The following PRKDC variants were observed in gnomAD, a reference collection of about 807,000 sequenced individuals.
PRKDC encodes protein kinase, DNA-activated, catalytic subunit.
PRKDC carries 82 observed loss-of-function variants against 486.9 expected under a neutral mutation model. That is an observed-to-expected ratio of 0.17 (90% CI 0.14 to 0.20). The LOEUF is 0.20. Among genes scored for constraint, PRKDC ranks in the 10% least tolerant of loss-of-function variants. The probability of loss-of-function intolerance (pLI) is 1.00; values close to 1 mark genes in which losing one functional copy is unlikely to be tolerated. For missense variants in PRKDC, 4,504 were observed against 5,038.2 expected, an observed-to-expected ratio of 0.89 and a Z score of 3.21; for synonymous variants, 1,895 against 1,837.0, an observed-to-expected ratio of 1.03 and a Z score of -0.81.
chr8:47,941,909 T>C (rs1392599204), intron 10 of PRKDC, among the ~76,000 whole-genome samples: 1 of 152,220 alleles, frequency 6.6e-6, no homozygotes, highest in Non-Finnish European at 1.5e-5. Flanking sequence ...GACTGAAAAG[T>C]CTCTGGCAAG....
At chr8:47,879,798 A>ATTAAAAT (rs2089170667) in intron 38 of PRKDC, 140 bp from the exon 39 acceptor site, 1 of 574,916 alleles carries the variant, frequency 1.7e-6, no homozygotes, top group South Asian at 3.7e-5. Flanking sequence ...TCTAAATTAT[A>ATTAAAAT]TTAAAAACCA....
chr8:47,860,368 G>A (rs763593811), intron 45 of PRKDC, among the ~76,000 whole-genome samples: 2 of 152,160 alleles, frequency 1.3e-5, no homozygotes, highest in Non-Finnish European at 2.9e-5. Flanking sequence ...CACGACCTAG[G>A]GCAAAAGCAG....
At chr8:47,832,250 C>A (rs554113760) in intron 59 of PRKDC, among the ~76,000 whole-genome samples, 2 of 152,348 alleles carry the variant, frequency 1.3e-5, no homozygotes, top group Non-Finnish European at 2.9e-5. Context: ...GAGGCTTCAA[C>A]ACCTGGTGCA....
intron 7 of PRKDC, among the ~76,000 whole-genome samples, chr8:47,949,686 G>C (rs2090595804): frequency 6.6e-6 from 1 of 152,140 alleles, no homozygotes; most frequent in Non-Finnish European, 1.5e-5. Flanking sequence ...GCTCACCTCA[G>C]GGGAATCATA....
Position 47,864,561 on chromosome 8 carries a change from T to G in PRKDC, c.5566A>C (p.Thr1856Pro), listed in dbSNP as rs748160178. Reference sequence around the variant, plus strand: ...TGATTTAAGGCGTATGATACCTTTGTAAACCTGGACTTCAACACATCAATG... The same window carrying G: ...TGATTTAAGGCGTATGATACCTTTGGAAACCTGGACTTCAACACATCAATG... ...DAIDVLKSRF[T>P]KLNESTFDTQ... Residue 1856 changes from threonine (T) to proline (P), a missense_variant, in exon 41 of 86, where the codon ACA (threonine) becomes CCA (proline). By Grantham distance (38) the Thr-to-Pro change is conservative. Coordinates refer to ENST00000314191, the MANE Select transcript of PRKDC (RefSeq NM_006904.7). 1 of 1,606,508 alleles carries G rather than the reference T, an allele frequency of 6.2e-7. No homozygotes were observed. Among genetic ancestry groups the G allele is most frequent in the Non-Finnish European group, 8.5e-7 (1 of 1,177,044 alleles).
At chr8:47,820,062 A>T (rs1337295883) in intron 66 of PRKDC, among the ~76,000 whole-genome samples, 1 of 152,180 alleles carries the variant, frequency 6.6e-6, no homozygotes, top group Non-Finnish European at 1.5e-5. Context: ...AGGAAAGATC[A>T]ACCCCTGCTC....
At chr8:47,936,562 T>C (rs1414117643) in intron 11 of PRKDC, 45 bp from the exon 12 acceptor site, 1 of 1,598,878 alleles carries the variant, frequency 6.3e-7, no homozygotes, top group Admixed American at 1.7e-5. Context: ...CTTATCAAGA[T>C]CAAAATAATA....
chr8:47,913,321 C>T (rs1047821671), intron 24 of PRKDC, among the ~76,000 whole-genome samples: 1 of 152,182 alleles, frequency 6.6e-6, no homozygotes, highest in African/African-American at 2.4e-5. Flanking sequence ...CCAAGCATAG[C>T]CCGAATATCA....
intron 31 of PRKDC, among the ~76,000 whole-genome samples, chr8:47,892,911 T>C (rs950329469): frequency 6.6e-6 from 1 of 152,224 alleles, no homozygotes; most frequent in African/African-American, 2.4e-5. Flanking sequence ...ACATTTACAA[T>C]ACACCAGAAA....
At position 47,889,067 on chromosome 8, in the gene PRKDC, G is replaced by A. The variant is rs1307354516; in HGVS notation, c.4227C>T (p.Ser1409=). The change falls in exon 33 of 86, where the codon TCC becomes TCT. Residue 1409 remains serine (S), a synonymous_variant. Transcript: ENST00000314191. ...GGGTCTCTAGGATATCTTTGTATGG[G>A]GACATCTTTAGAGCTTTCATCAGAT... The part of the protein sequence containing the change: ...CVNLMKALKM[S]PYKDILETHL... 10 of 1,613,716 alleles carry A rather than the reference G, an allele frequency of 6.2e-6. No individual in the cohort carries two copies. Among genetic ancestry groups the A allele is most frequent in the Non-Finnish European group, 7.6e-6 (9 of 1,179,876 alleles).
At position 47,936,341 on chromosome 8, in the gene PRKDC, T is replaced by G. The variant is rs763386831; in HGVS notation, c.1278+12A>C. 6.3e-7 allele frequency: 1 copy of G among 1,598,288 alleles called. No individual in the cohort carries two copies. The highest frequency in any genetic ancestry group is 1.3e-5 in the African/African-American group (1 of 74,368). Reference sequence around the variant, plus strand: ...TAAATACTTAAAATTGTGCTCAGTTTAGTTCACTTACTGTGTCAAGGTACA... The same window carrying G: ...TAAATACTTAAAATTGTGCTCAGTTGAGTTCACTTACTGTGTCAAGGTACA... On this transcript the variant is annotated intron_variant, in intron 12 of 85. Transcript: ENST00000314191.
intron 68 of PRKDC, among the ~76,000 whole-genome samples, chr8:47,813,983 ACCAAT>A (rs1416294008): frequency 1.3e-5 from 2 of 152,328 alleles, no homozygotes; most frequent in East Asian, 1.9e-4. Flanking sequence ...AAAATTACAC[ACCAAT>A]ATCCCACTTG....
At chr8:47,865,859 A>G (rs1162502879) in intron 40 of PRKDC, among the ~76,000 whole-genome samples, 1 of 152,126 alleles carries the variant, frequency 6.6e-6, no homozygotes, top group Non-Finnish European at 1.5e-5. Context: ...GTGCCCTTAT[A>G]TAAGAGGTCC....
At chr8:47,818,155 C>G (rs917639871) in intron 67 of PRKDC, among the ~76,000 whole-genome samples, 2 of 152,070 alleles carry the variant, frequency 1.3e-5, no homozygotes, top group Admixed American at 6.5e-5. Context: ...GTCAGGAACA[C>G]AAGATTAGAT....
chr8:47,920,643 G>C (rs923311369), intron 21 of PRKDC, among the ~76,000 whole-genome samples: 1 of 152,196 alleles, frequency 6.6e-6, no homozygotes, highest in Non-Finnish European at 1.5e-5. Flanking sequence ...CACATCTGTG[G>C]TAAAGAGACA....
At chr8:47,935,583 AG>A (rs1256758182) in intron 13 of PRKDC, 148 bp downstream of exon 13, 1 of 651,608 alleles carries the variant, frequency 1.5e-6, no homozygotes, top group African/African-American at 1.8e-5. Context: ...GATGAAAAAA[AG>A]GAAAAGATTT....
intron 67 of PRKDC, 98 bp downstream of exon 67, chr8:47,819,304 A>C (rs757069280): frequency 2.7e-6 from 2 of 739,532 alleles, no homozygotes; most frequent in Non-Finnish European, 4.4e-6. Context: ...CAACCCATAC[A>C]TTAAGAAACA....
chr8:47,941,160 CA>C (rs1039627157), intron 10 of PRKDC, among the ~76,000 whole-genome samples: 1 of 148,650 alleles, frequency 6.7e-6, no homozygotes, highest in Non-Finnish European at 1.5e-5. Flanking sequence ...AAAACAGCAA[CA>C]AAAAAAACAC....
chr8:47,868,700 A>T (rs998766159), intron 40 of PRKDC, among the ~76,000 whole-genome samples: 6 of 152,228 alleles, frequency 3.9e-5, no homozygotes, highest in African/African-American at 1.4e-4. Flanking sequence ...AAGCACTTTC[A>T]TAAGAACCAA....
Sources: allele counts gnomAD v4.1 joint callset (sites outside exome capture counted in the v4.1 genomes callset), GRCh38; gene constraint gnomAD v4.1.1; transcripts MANE v1.5; gene names NCBI Gene and HGNC (gene_info 2026-07-23, HGNC 2026-07-21).